The following MEI1 variants were observed in gnomAD, a reference collection of about 807,000 sequenced individuals.
The protein encoded by MEI1 is meiotic double-stranded break formation protein 1, also known as meiosis inhibitor protein 1.
In MEI1, 103 loss-of-function variants were observed where a neutral mutation model predicts 146.2. That is an observed-to-expected ratio of 0.70 (90% CI 0.60 to 0.83). The LOEUF is 0.83. Ranked by LOEUF, MEI1 falls within the 40% of genes least tolerant of loss-of-function variation. The pLI is 0.00. For synonymous variants in MEI1, 652 were observed against 628.2 expected (o/e 1.04, Z -0.57); for missense variants, 1,529 against 1,533.0 (o/e 1.00, Z 0.04).
At chr22:41,794,015 C>G (rs920494064) in intron 27 of MEI1, 105 bp downstream of exon 27, 2 of 1,105,580 alleles carry the variant, frequency 1.8e-6, no homozygotes, top group African/African-American at 3.1e-5. Flanking sequence ...GTGACTCATA[C>G]TTGTTTTGTT....
At chr22:41,735,379 C>T (rs981520698) in intron 11 of MEI1, among the ~76,000 whole-genome samples, 2 of 151,960 alleles carry the variant, frequency 1.3e-5, no homozygotes, top group African/African-American at 4.8e-5. Flanking sequence ...GGATTACAGG[C>T]ATGCACCACT....
chr22:41,730,701 A>T, intron 9 of MEI1, 64 bp downstream of exon 9: 1 of 1,031,698 alleles, frequency 9.7e-7, no homozygotes, highest in South Asian at 1.3e-5. Context: ...CTTGGGTAGC[A>T]GCCGCAGTGA....
At chr22:41,789,207 G>A (rs2076091204) in intron 26 of MEI1, among the ~76,000 whole-genome samples, 1 of 152,162 alleles carries the variant, frequency 6.6e-6, no homozygotes, top group South Asian at 2.1e-4. Flanking sequence ...AGCTACTTGG[G>A]AGGCCAAGGC....
rs2074233192 is a variant in MEI1 at position 41,758,357 on chromosome 22, C to T, written c.1952-8C>T. The stretch of plus-strand genomic sequence containing the variant: ...TGTGTGGCTTTCCTCTACTTATTCC[C>T]TCCCTAGAACTCTCTGCAGTGTCTG... On this transcript the variant is annotated splice_region_variant and splice_polypyrimidine_tract_variant and intron_variant, in intron 17 of 30. Transcript: ENST00000401548. 6.2e-7 allele frequency: 1 copy of T among 1,606,234 alleles called. No homozygotes were observed.
At chr22:41,718,423 G>A in intron 6 of MEI1, 149 bp downstream of exon 6, 2 of 683,568 alleles carry the variant, frequency 2.9e-6, no homozygotes, top group East Asian at 2.7e-5. Context: ...GACACACTGT[G>A]TGAAAGATGC....
intron 26 of MEI1, among the ~76,000 whole-genome samples, chr22:41,786,685 T>G (rs2075997622): frequency 6.6e-6 from 1 of 152,168 alleles, no homozygotes. Flanking sequence ...CTGGCTTGGG[T>G]CAGTGCCCTC....
At chr22:41,748,998 G>C (rs1349410396) in intron 15 of MEI1, among the ~76,000 whole-genome samples, 1 of 151,990 alleles carries the variant, frequency 6.6e-6, no homozygotes, top group Non-Finnish European at 1.5e-5. Flanking sequence ...TAGAGACGGG[G>C]TTTCACCGTG....
In MEI1 at chr22:41,705,492, C is replaced by T. The variant is rs1351443316; in HGVS notation, c.299-12C>T. ...GCCTAACCACCCCTTTCTTACCTCC[C>T]TCTGCTCCAAGGACTATTATGCAGC... On this transcript the variant is annotated splice_polypyrimidine_tract_variant and intron_variant, in intron 2 of 30. Transcript: ENST00000401548. The T allele has an allele frequency of 1.2e-6, 2 of 1,613,348 alleles. No homozygotes were observed. The highest frequency in any genetic ancestry group is 1.7e-6 in the Non-Finnish European group (2 of 1,179,542).
chr22:41,769,347 A>G (rs1049755698), intron 19 of MEI1, among the ~76,000 whole-genome samples: 2 of 152,234 alleles, frequency 1.3e-5, no homozygotes, highest in African/African-American at 4.8e-5. Flanking sequence ...TTCAGGAACA[A>G]CTAGATATAC....
At chr22:41,772,327 T>C (rs1265935956) in intron 20 of MEI1, among the ~76,000 whole-genome samples, 6 of 152,118 alleles carry the variant, frequency 3.9e-5, no homozygotes, top group Non-Finnish European at 7.4e-5. Context: ...GCTCAAGTGA[T>C]CCTCCTGCCT....
chr22:41,786,055 C>T (rs1451299034), intron 26 of MEI1, among the ~76,000 whole-genome samples: 7 of 147,672 alleles, frequency 4.7e-5, no homozygotes, highest in African/African-American at 1.8e-4. Context: ...GGACTACAGG[C>T]GCCCGCTACC....
At chr22:41,706,494 C>CT (rs1176453552) in intron 3 of MEI1, among the ~76,000 whole-genome samples, 2 of 152,108 alleles carry the variant, frequency 1.3e-5, no homozygotes, top group African/African-American at 4.8e-5. Flanking sequence ...ATACAAAACT[C>CT]TTTTTTAGTA....
At chr22:41,792,320 G>A (rs565555792) in intron 26 of MEI1, among the ~76,000 whole-genome samples, 4 of 152,272 alleles carry the variant, frequency 2.6e-5, no homozygotes, top group Admixed American at 6.5e-5. Flanking sequence ...GCAGTTGGGT[G>A]GCCCAGTGCA....
chr22:41,798,739 A>G (rs2076466672), intron 30 of MEI1, among the ~76,000 whole-genome samples: 3 of 151,626 alleles, frequency 2.0e-5, no homozygotes, highest in Non-Finnish European at 2.9e-5. Flanking sequence ...ATGGTGGTGC[A>G]TGCCTGTAAT....
At chr22:41,704,928 A>T (rs1248487951) in intron 2 of MEI1, among the ~76,000 whole-genome samples, 1 of 151,328 alleles carries the variant, frequency 6.6e-6, no homozygotes, top group African/African-American at 2.4e-5. Flanking sequence ...GTTAGCCAGG[A>T]TGGTCTCGAT....
At chr22:41,768,695 G>A (rs965517782) in intron 19 of MEI1, among the ~76,000 whole-genome samples, 3 of 152,224 alleles carry the variant, frequency 2.0e-5, no homozygotes, top group South Asian at 2.1e-4. Context: ...GAGTGAAAAG[G>A]GAGGTGCTAC....
chr22:41,755,374 G>A (rs1361635881), intron 17 of MEI1, among the ~76,000 whole-genome samples: 1 of 152,108 alleles, frequency 6.6e-6, no homozygotes, highest in Non-Finnish European at 1.5e-5. Context: ...TGCTGAGAGG[G>A]AGCAAAGCCC....
intron 17 of MEI1, among the ~76,000 whole-genome samples, chr22:41,757,345 C>T (rs1031053242): frequency 5.9e-5 from 9 of 152,096 alleles, no homozygotes; most frequent in African/African-American, 1.7e-4. Flanking sequence ...CCGCCAGCCT[C>T]GGCCTCCCAA....
chr22:41,740,625 G>A (rs1159862801), intron 11 of MEI1, among the ~76,000 whole-genome samples: 1 of 152,106 alleles, frequency 6.6e-6, no homozygotes, highest in Admixed American at 6.6e-5. Context: ...GGCTACTCAA[G>A]AGGCTGAGGC....
Sources: allele counts gnomAD v4.1 joint callset (sites outside exome capture counted in the v4.1 genomes callset), GRCh38; gene constraint gnomAD v4.1.1; transcripts MANE v1.5; gene names NCBI Gene and HGNC (gene_info 2026-07-23, HGNC 2026-07-21).